Variants in KCNMB4 observed in about 807,000 individuals in gnomAD.
KCNMB4 encodes the protein potassium calcium-activated channel subfamily M regulatory beta subunit 4, also known as calcium-activated potassium channel subunit beta-4.
A neutral mutation model predicts 20.7 loss-of-function variants in KCNMB4; 3 were observed. The observed-to-expected ratio is 0.14, with a 90% CI of 0.07 to 0.37. The LOEUF is 0.37. Ranked by LOEUF, KCNMB4 falls within the 10% of genes least tolerant of loss-of-function variation. The pLI, the probability that KCNMB4 is intolerant of heterozygous loss-of-function variation, is 1.00. For synonymous variants in KCNMB4, 110 were observed against 113.4 expected, an observed-to-expected ratio of 0.97 and a Z score of 0.19; for missense variants, 168 against 265.9, an observed-to-expected ratio of 0.63 and a Z score of 2.56.
intron 2 of KCNMB4, among the ~76,000 whole-genome samples, chr12:70,420,874 C>T (rs377035698): frequency 6.6e-6 from 1 of 151,806 alleles, no homozygotes; most frequent in Non-Finnish European, 1.5e-5. Context: ...CTGGCTAACA[C>T]GGTGAAACCC....
rs1868315553 is a variant in KCNMB4, at chr12:70,393,215, A to T, written c.337-6994A>T. The stretch of plus-strand genomic sequence containing the variant: ...TATTTTATTTTATTTATTTTATTTT[A>T]TTTTTGAGAAAGAGTCTCACTCTGT... On this transcript the variant is annotated intron_variant, in intron 1 of 2. Transcript: ENST00000258111. Among the ~76,000 whole-genome samples, 4 of 151,740 alleles carry T rather than the reference A, an allele frequency of 2.6e-5. No individual in the cohort carries two copies. The South Asian group carries it at 8.3e-4, about 32-fold the overall frequency.
chr12:70,412,030 G>A lies in KCNMB4; in HGVS notation c.464+11694G>A, dbSNP rs150189533. ...AAGGGATGGTAGGAGCTTGGACAAAGGTAGAATTAGTGGAGGAAGAAAAGG... is the reference window on the plus strand; with the variant it reads ...AAGGGATGGTAGGAGCTTGGACAAAAGTAGAATTAGTGGAGGAAGAAAAGG... On this transcript the variant is annotated intron_variant, in intron 2 of 2. Coordinates refer to ENST00000258111, the MANE Select transcript of KCNMB4 (RefSeq NM_014505.6). Among the ~76,000 whole-genome samples the A allele has an allele frequency of 7.9e-5, 12 of 152,232 alleles. No homozygotes were observed. In the East Asian group the frequency reaches 1.2e-3, roughly 15 times the overall value.
chr12:70,423,584 T>C (rs1448927424), intron 2 of KCNMB4, among the ~76,000 whole-genome samples: 1 of 152,124 alleles, frequency 6.6e-6, no homozygotes, highest in East Asian at 1.9e-4. Context: ...GCTCAAGCGA[T>C]ACTTTCACCT....
At chr12:70,390,431 G>A (rs1296065684) in intron 1 of KCNMB4, among the ~76,000 whole-genome samples, 1 of 152,144 alleles carries the variant, frequency 6.6e-6, no homozygotes, top group Non-Finnish European at 1.5e-5. Context: ...GACCCTACTG[G>A]GACCCAGTAA....
Position 70,366,609 on chromosome 12 carries a change from C to A in KCNMB4, c.-126C>A. ...TTCTCGCGCGCTCCCCCTCGCCGCC[C>A]ACTCCCCTGCTGTCGCGCGGCGGCG... is the stretch of plus-strand genomic sequence containing the variant. On this transcript the variant is annotated 5_prime_UTR_variant, in exon 1 of 3. Transcript: ENST00000258111. The A allele has an allele frequency of 1.7e-6, 1 of 579,458 alleles. No individual in the cohort carries two copies. Among genetic ancestry groups the A allele is most frequent in the South Asian group, 8.3e-5 (1 of 12,024 alleles). 35.9% of individuals were successfully genotyped at this position (579,458 alleles called of 1,614,324 possible). A position where few individuals can be genotyped will look rare whatever the true frequency, so the allele number is the denominator to read the frequency against.
chr12:70,415,642 A>G (rs1399815578), intron 2 of KCNMB4, among the ~76,000 whole-genome samples: 1 of 152,188 alleles, frequency 6.6e-6, no homozygotes, highest in Non-Finnish European at 1.5e-5. Context: ...CCATTTTTTC[A>G]CCAAACTCTA....
intron 2 of KCNMB4, among the ~76,000 whole-genome samples, chr12:70,402,186 G>A (rs149287076): frequency 5.3e-5 from 8 of 151,814 alleles, no homozygotes; most frequent in South Asian, 4.2e-4. Flanking sequence ...GCTTCTTGGC[G>A]GCCATACTGG....
chr12:70,395,412 GC>G (rs1414748897), intron 1 of KCNMB4, among the ~76,000 whole-genome samples: 1 of 152,046 alleles, frequency 6.6e-6, no homozygotes, highest in Non-Finnish European at 1.5e-5. Context: ...AGTTAATTCT[GC>G]CTACTCTGCC....
chr12:70,407,832 C>T (rs932726038), intron 2 of KCNMB4, among the ~76,000 whole-genome samples: 5 of 151,920 alleles, frequency 3.3e-5, no homozygotes, highest in African/African-American at 1.2e-4. Flanking sequence ...GGTCCCCATC[C>T]TCCAAGAGTC....
At chr12:70,421,051 C>CAA (rs5798982) in intron 2 of KCNMB4, among the ~76,000 whole-genome samples, 6 of 119,880 alleles carry the variant, frequency 5.0e-5, no homozygotes, top group Non-Finnish European at 5.5e-5. Flanking sequence ...GACTCCGTCT[C>CAA]AAAAAAAAAA....
chr12:70,415,208 A>C (rs756869560), intron 2 of KCNMB4, among the ~76,000 whole-genome samples: 2 of 152,214 alleles, frequency 1.3e-5, no homozygotes, highest in Non-Finnish European at 2.9e-5. Context: ...GAGGTTAAGC[A>C]ATATGACCAA....
At chr12:70,393,459 C>G (rs1040701245) in intron 1 of KCNMB4, among the ~76,000 whole-genome samples, 4 of 152,106 alleles carry the variant, frequency 2.6e-5, no homozygotes, top group African/African-American at 9.7e-5. Context: ...CCTTGGCCCC[C>G]CAAAGTGCTG....
intron 2 of KCNMB4, among the ~76,000 whole-genome samples, chr12:70,413,691 C>T (rs1342056690): frequency 3.9e-5 from 6 of 152,154 alleles, no homozygotes; most frequent in Non-Finnish European, 7.3e-5. Context: ...AAATGAATCC[C>T]CACCACATAA....
At chr12:70,411,573 C>A (rs1219918155) in intron 2 of KCNMB4, among the ~76,000 whole-genome samples, 2 of 152,190 alleles carry the variant, frequency 1.3e-5, no homozygotes, top group Non-Finnish European at 2.9e-5. Context: ...CCTGCCGCCA[C>A]AGAATAGCTT....
chr12:70,411,418 G>A (rs11178229), intron 2 of KCNMB4, among the ~76,000 whole-genome samples: 29,995 of 152,006 alleles, frequency 0.2, 3,136 homozygotes, highest in African/African-American at 0.25. Context: ...GCATTTTTAG[G>A]AAGATTTTTA....
At chr12:70,418,310 CT>C (rs1333682404) in intron 2 of KCNMB4, among the ~76,000 whole-genome samples, 2 of 152,172 alleles carry the variant, frequency 1.3e-5, no homozygotes, top group Non-Finnish European at 2.9e-5. Context: ...GATTATATCT[CT>C]TTTCTGTGTC....
chr12:70,381,738 T>C (rs1467594392), intron 1 of KCNMB4, among the ~76,000 whole-genome samples: 1 of 152,234 alleles, frequency 6.6e-6, no homozygotes, highest in African/African-American at 2.4e-5. Context: ...AGATTGGGAA[T>C]GACAGCTAAA....
rs1299519728 is a variant in KCNMB4, at chr12:70,366,776, G to C, written c.42G>C (p.Glu14Asp). Residue 14 changes from glutamate to aspartate, a missense_variant, in exon 1 of 3, where the codon GAG (glutamate) becomes GAC (aspartate). Physicochemically the swap from Glu to Asp is conservative, Grantham distance 45 (BLOSUM62 2). Coordinates refer to ENST00000258111, the MANE Select transcript of KCNMB4 (RefSeq NM_014505.6). The stretch of plus-strand genomic sequence containing the variant: ...TGGCTTACGAGTACACGGAAGCCGA[G>C]GACAAGAGCATCCGGCTCGGCTTGT... ...LRVAYEYTEAEDKSIRLGLFL... is the reference protein window; with the variant it reads ...LRVAYEYTEADDKSIRLGLFL... 6.2e-7 allele frequency: 1 copy of C among 1,611,294 alleles called. No individual in the cohort carries two copies. The highest frequency in any genetic ancestry group is 8.5e-7 in the Non-Finnish European group (1 of 1,179,808).
At position 70,383,545 on chromosome 12, in the gene KCNMB4, A is replaced by T. The variant is rs192513513; in HGVS notation, c.336+16475A>T. 1.6e-4 allele frequency among the ~76,000 whole-genome samples: 25 copies of T among 152,318 alleles called. No homozygotes were observed. The East Asian group carries it at 4.6e-3, about 28-fold the overall frequency. ...AACGAGGTTGCTTAACTCAACAGAG[A>T]TTTATTTGTCCACAGTTCTGAAGTC... On this transcript the variant is annotated intron_variant, in intron 1 of 2. Transcript: ENST00000258111.
Sources: gnomAD v4.1 joint callset for allele counts (sites outside exome capture counted in the v4.1 genomes callset) on GRCh38, gnomAD v4.1.1 for gene constraint, MANE v1.5 for transcripts, NCBI Gene and HGNC (gene_info 2026-07-23, HGNC 2026-07-21) for gene names.